Variants in BCL2 observed in about 807,000 individuals in gnomAD.
BCL2 encodes the protein apoptosis regulator Bcl-2.
In BCL2, 1 loss-of-function variant was observed where a neutral mutation model predicts 14.2. The ratio of observed to expected loss-of-function variants is 0.07; its 90% CI spans 0.02 to 0.33. BCL2 has a LOEUF of 0.33. Among genes scored for constraint, BCL2 ranks in the 10% least tolerant of loss-of-function variants. The pLI is 0.99. For synonymous variants in BCL2, 151 were observed against 137.2 expected, an observed-to-expected ratio of 1.10 and a Z score of -0.70; for missense variants, 247 against 305.9, an observed-to-expected ratio of 0.81 and a Z score of 1.44.
chr18:63,144,574 A>T (rs966655924), intron 2 of BCL2, among the ~76,000 whole-genome samples: 2 of 152,114 alleles, frequency 1.3e-5, no homozygotes, highest in African/African-American at 4.8e-5. Context: ...CTAAACAGGA[A>T]GTCCCGAGGA....
intron 2 of BCL2, among the ~76,000 whole-genome samples, chr18:63,248,477 C>A (rs1395475736): frequency 6.6e-5 from 10 of 150,684 alleles, no homozygotes. Context: ...ACTATGTACT[C>A]AAAAACGAAG....
intron 2 of BCL2, among the ~76,000 whole-genome samples, chr18:63,242,034 G>A (rs2144193662): frequency 6.6e-6 from 1 of 152,296 alleles, no homozygotes; most frequent in Non-Finnish European, 1.5e-5. Flanking sequence ...TTTGTGAGAT[G>A]GGTGACTCCA....
chr18:63,316,615 T>TGCCC (rs1913504698), intron 2 of BCL2: 1 of 152,246 alleles, frequency 6.6e-6, no homozygotes, highest in Non-Finnish European at 1.5e-5. Flanking sequence ...TTTTAGTTAA[T>TGCCC]CTTACTTTTA....
intron 2 of BCL2, among the ~76,000 whole-genome samples, chr18:63,207,203 G>A (rs570772979): frequency 2.6e-5 from 4 of 152,366 alleles, no homozygotes; most frequent in East Asian, 1.9e-4. Context: ...AGGTGCAGGC[G>A]GCAGGAGGGA....
intron 2 of BCL2, among the ~76,000 whole-genome samples, chr18:63,218,739 A>G (rs145871741): frequency 4.7e-4 from 1 of 2,120 alleles, no homozygotes; most frequent in Admixed American, 6.3e-3. Flanking sequence ...TCCTCCACTC[A>G]TCTCCATCCT....
intron 2 of BCL2, among the ~76,000 whole-genome samples, chr18:63,229,209 CTA>C (rs1272517838): frequency 6.6e-6 from 1 of 151,912 alleles, no homozygotes; most frequent in Non-Finnish European, 1.5e-5. Context: ...TTTTATGTCT[CTA>C]TTGAACTTAA....
At chr18:63,161,341 A>AGTGAAAT (rs1371751320) in intron 2 of BCL2, among the ~76,000 whole-genome samples, 31 of 152,328 alleles carry the variant, frequency 2.0e-4, no homozygotes. Context: ...AAAAAAATTT[A>AGTGAAAT]GACTCAGCCA....
chr18:63,157,492 C>T (rs1914814317), intron 2 of BCL2, among the ~76,000 whole-genome samples: 1 of 152,200 alleles, frequency 6.6e-6, no homozygotes, highest in Admixed American at 6.5e-5. Flanking sequence ...AAAGGGGCAC[C>T]TACGCCTTGC....
At chr18:63,219,266 T>C (rs926830650) in intron 2 of BCL2, among the ~76,000 whole-genome samples, 2 of 152,196 alleles carry the variant, frequency 1.3e-5, no homozygotes. Flanking sequence ...AAAATCTTAT[T>C]TTTCAAACCT....
chr18:63,305,368 G>C (rs1913091996), intron 2 of BCL2, among the ~76,000 whole-genome samples: 1 of 152,232 alleles, frequency 6.6e-6, no homozygotes, highest in Non-Finnish European at 1.5e-5. Context: ...TCCCAACCCA[G>C]GGAATGAATA....
chr18:63,147,618 T>C (rs1914545128), intron 2 of BCL2, among the ~76,000 whole-genome samples: 1 of 152,130 alleles, frequency 6.6e-6, no homozygotes, highest in South Asian at 2.1e-4. Context: ...GTTTGTAAAG[T>C]CCCAACTATT....
chr18:63,292,717 T>C (rs1420331751), intron 2 of BCL2, among the ~76,000 whole-genome samples: 1 of 152,246 alleles, frequency 6.6e-6, no homozygotes, highest in East Asian at 1.9e-4. Flanking sequence ...GGCTTAACAG[T>C]TCTCCTTGAT....
chr18:63,292,107 A>G (rs1264664816), intron 2 of BCL2, among the ~76,000 whole-genome samples: 1 of 151,762 alleles, frequency 6.6e-6, no homozygotes, highest in Non-Finnish European at 1.5e-5. Context: ...GAGTGGTTTT[A>G]GTGGATAGGT....
chr18:63,148,769 T>C (rs1409216264), intron 2 of BCL2, among the ~76,000 whole-genome samples: 1 of 151,694 alleles, frequency 6.6e-6, no homozygotes, highest in African/African-American at 2.4e-5. Context: ...AAACAAATAT[T>C]CACATGGCAC....
intron 2 of BCL2, among the ~76,000 whole-genome samples, chr18:63,219,600 C>T (rs368194986): frequency 5.9e-5 from 9 of 151,858 alleles, no homozygotes; most frequent in Admixed American, 2.6e-4. Context: ...ACTTTTTAAG[C>T]GTAAGCAGAA....
chr18:63,169,648 G>A (rs559434876), intron 2 of BCL2, among the ~76,000 whole-genome samples: 2 of 151,454 alleles, frequency 1.3e-5, no homozygotes, highest in Admixed American at 6.6e-5. Flanking sequence ...CTAGTCACCC[G>A]AGTAGCTGGG....
At chr18:63,253,780 A>ATCTTTCT (rs1275913303) in intron 2 of BCL2, among the ~76,000 whole-genome samples, 1 of 152,062 alleles carries the variant, frequency 6.6e-6, no homozygotes, top group African/African-American at 2.4e-5. Context: ...GATTCTCAGT[A>ATCTTTCT]AATTGTGGGC....
intron 2 of BCL2, among the ~76,000 whole-genome samples, chr18:63,131,691 C>A (rs1300851383): frequency 2.6e-5 from 4 of 152,234 alleles, no homozygotes; most frequent in African/African-American, 9.6e-5. Flanking sequence ...AGGTTGTCTG[C>A]AATTTGGCTT....
chr18:63,319,910 T>G (rs1408606571), upstream of BCL2: 2 of 171,372 alleles, frequency 1.2e-5, no homozygotes, highest in East Asian at 2.1e-4. Flanking sequence ...GCGCACCCTT[T>G]CTCCTCCTCC....
Sources: allele counts gnomAD v4.1 joint callset (sites outside exome capture counted in the v4.1 genomes callset), GRCh38; gene constraint gnomAD v4.1.1; transcripts MANE v1.5; gene names NCBI Gene and HGNC (gene_info 2026-07-23, HGNC 2026-07-21).